The following KCTD1 variants were observed in gnomAD, a reference collection of about 807,000 sequenced individuals.
KCTD1 encodes BTB/POZ domain-containing protein KCTD1.
A neutral mutation model predicts 66.0 loss-of-function variants in KCTD1; 24 were observed. The ratio of observed to expected loss-of-function variants is 0.36; its 90% CI spans 0.26 to 0.51. The LOEUF is 0.51. Ranked by LOEUF, KCTD1 falls within the 20% of genes least tolerant of loss-of-function variation. The pLI is 0.95. For missense variants in KCTD1, 943 were observed against 1,205.2 expected, an observed-to-expected ratio of 0.78 and a Z score of 3.22; for synonymous variants, 511 against 517.2, an observed-to-expected ratio of 0.99 and a Z score of 0.16.
rs771697186 is a variant in KCTD1 at position 26,454,953 on chromosome 18, CAT to C, written c.*788_*789del. The stretch of plus-strand genomic sequence containing the variant: ...TCACTTTAATCCAGCCTCACCCCCA[CAT>C]GTGTGTTTCACACAGACCTTATTTT... On this transcript the variant is annotated 3_prime_UTR_variant, in exon 5 of 5. Transcript: ENST00000580059. The C allele has an allele frequency of 7.9e-5, 12 of 152,732 alleles. No individual in the cohort carries two copies. The highest frequency in any genetic ancestry group is 2.2e-4 in the African/African-American group (9 of 41,576). 9.5% of individuals were successfully genotyped at this position (152,732 alleles called of 1,614,324 possible). A position where few individuals can be genotyped will look rare whatever the true frequency, so the allele number is the denominator to read the frequency against.
chr18:26,505,738 T>C (rs1462562875), intron 1 of KCTD1, among the ~76,000 whole-genome samples: 1 of 152,136 alleles, frequency 6.6e-6, no homozygotes, highest in Non-Finnish European at 1.5e-5. Flanking sequence ...TAACATTTTT[T>C]TGTAGACACA....
intron 1 of KCTD1, among the ~76,000 whole-genome samples, chr18:26,568,562 C>G (rs1986034779): frequency 6.6e-6 from 1 of 151,940 alleles, no homozygotes; most frequent in Admixed American, 6.6e-5. Context: ...TAAATGATTT[C>G]TTTTCCTACA....
chr18:26,631,915 T>TGGCG (rs1303481326), upstream of KCTD1, among the ~76,000 whole-genome samples: 1 of 149,076 alleles, frequency 6.7e-6, no homozygotes, highest in African/African-American at 2.5e-5. Flanking sequence ...CCGGGCATGG[T>TGGCG]GGCGGGCGCC....
In KCTD1 at chr18:26,515,982, C is replaced by G. The variant is rs190014293; in HGVS notation, c.1810-14732G>C. Reference sequence around the variant, plus strand: ...ACAGTATATAATGCCAAGACAATGACAGGGGCTGGGAGAACACAGCGGATA... The same window carrying G: ...ACAGTATATAATGCCAAGACAATGAGAGGGGCTGGGAGAACACAGCGGATA... On this transcript the variant is annotated intron_variant, in intron 1 of 4. Coordinates refer to ENST00000580059, the MANE Select transcript of KCTD1 (RefSeq NM_001142730.3). Among the ~76,000 whole-genome samples the G allele has an allele frequency of 1.1e-4, 17 of 152,126 alleles. No individual in the cohort carries two copies. The East Asian group carries it at 3.3e-3, about 29-fold the overall frequency.
At chr18:26,644,788 A>AG (rs1436291555), upstream of KCTD1, among the ~76,000 whole-genome samples, 2 of 151,188 alleles carry the variant, frequency 1.3e-5, no homozygotes, top group African/African-American at 4.9e-5. Flanking sequence ...GAGAGAGAGA[A>AG]AGAGGAAGCA....
intron 1 of KCTD1, among the ~76,000 whole-genome samples, chr18:26,510,986 T>C (rs981569156): frequency 6.6e-5 from 10 of 152,192 alleles, no homozygotes; most frequent in Admixed American, 2.0e-4. Flanking sequence ...GATGATGCTA[T>C]GGGCAAAAAT....
chr18:26,578,037 G>GCTTTTCTTTT (rs1402618276), intron 1 of KCTD1, among the ~76,000 whole-genome samples: 6 of 142,402 alleles, frequency 4.2e-5, no homozygotes, highest in African/African-American at 1.7e-4. Flanking sequence ...TCTCCACCTT[G>GCTTTTCTTTT]CTTTTCTTTT....
Position 26,542,055 on chromosome 18 carries a change from C to T in KCTD1, c.1809+4673G>A, listed in dbSNP as rs1787115064. Among the ~76,000 whole-genome samples the T allele has an allele frequency of 2.0e-5, 3 of 152,192 alleles. No homozygotes were observed. In the South Asian group the frequency reaches 6.2e-4, roughly 32 times the overall value. On this transcript the variant is annotated intron_variant, in intron 1 of 4. Coordinates refer to ENST00000580059, the MANE Select transcript of KCTD1 (RefSeq NM_001142730.3). Reference sequence around the variant, plus strand: ...CATAAATCCACTAATTGCCCAGCCTCTATGAATCCCTCTTGAGGGCAAGGA... The same window carrying T: ...CATAAATCCACTAATTGCCCAGCCTTTATGAATCCCTCTTGAGGGCAAGGA...
Position 26,547,775 on chromosome 18 carries a change from G to C in KCTD1, c.762C>G (p.Pro254=), listed in dbSNP as rs928383816. 1.3e-6 allele frequency: 2 copies of C among 1,542,348 alleles called. No homozygotes were observed. The highest frequency in any genetic ancestry group is 1.4e-5 in the African/African-American group (1 of 73,178). ...YCRTLDLTKD[P]ELRSANLTLA... is the part of the protein sequence containing the mutation. ...GCGTCAGGTTGGCGCTGCGCAGCTC[G>C]GGGTCCTTGGTGAGGTCGAGCGTGC... Residue 254 remains proline, a synonymous_variant, in exon 1 of 5, where the codon CCC becomes CCG. Transcript: ENST00000580059.
upstream of KCTD1, chr18:26,640,466 A>G (rs1987812782): frequency 6.5e-6 from 1 of 152,826 alleles, no homozygotes; most frequent in Non-Finnish European, 1.5e-5. Flanking sequence ...ACAAACAAAC[A>G]AACAAAAAGG....
chr18:26,585,360 G>T (rs753335433), intron 1 of KCTD1, among the ~76,000 whole-genome samples: 1 of 152,206 alleles, frequency 6.6e-6, no homozygotes, highest in Non-Finnish European at 1.5e-5. Context: ...CCTGTACAAA[G>T]AATTCAGTGT....
At chr18:26,461,756 G>T (rs1980442602) in intron 3 of KCTD1, among the ~76,000 whole-genome samples, 1 of 152,200 alleles carries the variant, frequency 6.6e-6, no homozygotes, top group South Asian at 2.1e-4. Context: ...TTATGCTATT[G>T]CTTTTTATTT....
rs71169866 is a variant in KCTD1 at position 26,597,658 on chromosome 18, G to GT, written c.-16+31488dup. Among the ~76,000 whole-genome samples, 378 of 108,084 alleles carry GT rather than the reference G, an allele frequency of 3.5e-3. 3 individuals carry two copies. The highest frequency in any genetic ancestry group is 8.2e-3 in the African/African-American group (250 of 30,442). The allele number at this position is 108,084 out of a possible 152,430, so 70.9% of individuals were successfully genotyped here. A position where few individuals can be genotyped will look rare whatever the true frequency, so the allele number is the denominator to read the frequency against. On this transcript the variant is annotated intron_variant, in intron 1 of 4. Transcript: ENST00000317932. ...ACACACCTAGTACTGAGGTCTTGGT[G>GT]TTTTTTTTTTTTTTTTTTGGAGTCT...
chr18:26,562,961 T>C (rs1985895198), intron 1 of KCTD1, among the ~76,000 whole-genome samples: 1 of 152,224 alleles, frequency 6.6e-6, no homozygotes, highest in Non-Finnish European at 1.5e-5. Context: ...CGCTTCAGCA[T>C]ATGAATTTGG....
intron 1 of KCTD1, among the ~76,000 whole-genome samples, chr18:26,646,226 T>C (rs1469975041): frequency 1.3e-5 from 2 of 152,218 alleles, no homozygotes; most frequent in Non-Finnish European, 2.9e-5. Flanking sequence ...TCTGTTAGCA[T>C]GGATCAAGAG....
intron 2 of KCTD1, among the ~76,000 whole-genome samples, chr18:26,481,092 A>G (rs1981625070): frequency 6.6e-6 from 1 of 152,196 alleles, no homozygotes; most frequent in African/African-American, 2.4e-5. Context: ...GTAATCATTC[A>G]GTTACTCATT....
chr18:26,654,604 A>T (rs1232606815), intron 1 of KCTD1, among the ~76,000 whole-genome samples: 1 of 152,184 alleles, frequency 6.6e-6, no homozygotes, highest in Admixed American at 6.5e-5. Context: ...AATACAGCAA[A>T]ATCACTGCAG....
At chr18:26,498,676 A>G (rs1476097236) in intron 2 of KCTD1, among the ~76,000 whole-genome samples, 2 of 151,978 alleles carry the variant, frequency 1.3e-5, no homozygotes, top group Non-Finnish European at 2.9e-5. Flanking sequence ...AAAGCGCTCA[A>G]TAGCTGTACG....
intron 1 of KCTD1, among the ~76,000 whole-genome samples, chr18:26,597,976 T>C (rs79511847): frequency 0.031 from 4,648 of 152,238 alleles, 114 homozygotes; most frequent in African/African-American, 0.075. Context: ...ATACTATTGC[T>C]CAGTGCAAGA....
Sources: gnomAD v4.1 joint callset for allele counts (sites outside exome capture counted in the v4.1 genomes callset) on GRCh38, gnomAD v4.1.1 for gene constraint, MANE v1.5 for transcripts, NCBI Gene and HGNC (gene_info 2026-07-23, HGNC 2026-07-21) for gene names.